Variants in INPP4B observed in about 807,000 individuals in gnomAD.
The protein encoded by INPP4B is inositol polyphosphate-4-phosphatase type II B, also known as inositol polyphosphate 4-phosphatase type II.
INPP4B carries 55 observed loss-of-function variants against 122.5 expected under a neutral mutation model. The observed-to-expected ratio is 0.45, with a 90% confidence interval of 0.36 to 0.56. INPP4B has a LOEUF of 0.56. INPP4B is among the 20% of genes least tolerant of loss of function. INPP4B has a pLI of 0.00. For missense variants in INPP4B, 1,000 were observed against 1,097.7 expected (o/e 0.91, Z 1.26); for synonymous variants, 403 against 388.7 (o/e 1.04, Z -0.43).
At chr4:142,405,348 AAG>A in intron 5 of INPP4B, 24 bp from the exon 6 acceptor site, 1 of 1,404,844 alleles carries the variant, frequency 7.1e-7, no homozygotes, top group East Asian at 2.3e-5. Flanking sequence ...AGGAGACAGA[AAG>A]AAAAGAAACT....
chr4:142,157,025 A>G (rs1404686042), intron 17 of INPP4B, among the ~76,000 whole-genome samples: 5 of 152,126 alleles, frequency 3.3e-5, no homozygotes, highest in African/African-American at 9.7e-5. Context: ...TCTTCACATA[A>G]TATCACAGAA....
At chr4:142,212,232 A>T (rs1336005108) in intron 12 of INPP4B, among the ~76,000 whole-genome samples, 2 of 152,114 alleles carry the variant, frequency 1.3e-5, no homozygotes, top group African/African-American at 4.8e-5. Context: ...GAGTGATGGC[A>T]ATGTGCGATT....
In INPP4B at chr4:142,416,475, A is replaced by AT. The variant is rs560226629; in HGVS notation, c.137-11152dup. 7.4e-3 allele frequency among the ~76,000 whole-genome samples: 1,131 copies of AT among 152,064 alleles called. 11 individuals carry two copies. Among genetic ancestry groups the AT allele is most frequent in the Non-Finnish European group, 0.01 (689 of 67,978 alleles). Reference sequence around the variant, plus strand: ...ATTAAGGTTAAAAATTATTTAAGTAATTTTTTTTCCTGAAAATTTGTTTGG... The same window carrying AT: ...ATTAAGGTTAAAAATTATTTAAGTAATTTTTTTTTCCTGAAAATTTGTTTGG... On this transcript the variant is annotated intron_variant, in intron 5 of 25. Coordinates refer to ENST00000262992, the MANE Select transcript of INPP4B (RefSeq NM_001101669.3).
intron 2 of INPP4B, among the ~76,000 whole-genome samples, chr4:142,537,313 G>C (rs1371265340): frequency 6.7e-6 from 1 of 150,332 alleles, no homozygotes; most frequent in Non-Finnish European, 1.5e-5. Context: ...ACCTTAGATA[G>C]AGGCTGAGTA....
At chr4:142,620,663 T>C (rs1443202808) in intron 2 of INPP4B, among the ~76,000 whole-genome samples, 4 of 151,772 alleles carry the variant, frequency 2.6e-5, no homozygotes, top group Non-Finnish European at 5.9e-5. Context: ...AAATAAGAGT[T>C]AAAAAAATAA....
intron 18 of INPP4B, among the ~76,000 whole-genome samples, chr4:142,129,052 A>T (rs1561223260): frequency 6.6e-6 from 1 of 152,230 alleles, no homozygotes. Context: ...AGGAAAAGTA[A>T]AAAGATTGCA....
chr4:142,807,653 T>G (rs1779023994), intron 1 of INPP4B, among the ~76,000 whole-genome samples: 4 of 152,136 alleles, frequency 2.6e-5, no homozygotes, highest in Non-Finnish European at 2.9e-5. Context: ...TGAGATATGA[T>G]GAGAACGATG....
At chr4:142,527,952 A>ATTTCGCTGGG (rs1827142890) in intron 2 of INPP4B, among the ~76,000 whole-genome samples, 1 of 152,050 alleles carries the variant, frequency 6.6e-6, no homozygotes, top group African/African-American at 2.4e-5. Context: ...CCTTAGAATA[A>ATTTCGCTGGG]ATCAAGGCAA....
intron 8 of INPP4B, 190 bp from the exon 9 acceptor site, chr4:142,305,727 A>G: frequency 7.0e-7 from 1 of 1,419,160 alleles, no homozygotes; most frequent in East Asian, 2.8e-5. Flanking sequence ...AAGGGTGAAA[A>G]TGTATCATTT....
chr4:142,442,290 T>C (rs1811929883), intron 3 of INPP4B, among the ~76,000 whole-genome samples: 1 of 151,302 alleles, frequency 6.6e-6, no homozygotes, highest in African/African-American at 2.4e-5. Flanking sequence ...CATGTGCCTG[T>C]AATCCCAGCT....
At chr4:142,636,077 G>A (rs1172698676) in intron 2 of INPP4B, among the ~76,000 whole-genome samples, 1 of 152,060 alleles carries the variant, frequency 6.6e-6, no homozygotes, top group African/African-American at 2.4e-5. Context: ...TAGTGGTAGT[G>A]AGTGATTTCG....
chr4:142,033,538 G>A (rs1296808332), intron 25 of INPP4B, among the ~76,000 whole-genome samples: 1 of 152,092 alleles, frequency 6.6e-6, no homozygotes, highest in Non-Finnish European at 1.5e-5. Flanking sequence ...AACCTCTAGA[G>A]GTCATTCTGT....
intron 25 of INPP4B, among the ~76,000 whole-genome samples, chr4:142,080,252 G>A (rs575596166): frequency 6.6e-6 from 1 of 152,214 alleles, no homozygotes; most frequent in South Asian, 2.1e-4. Flanking sequence ...CTACTCTGCT[G>A]TGTTGCCAGA....
intron 2 of INPP4B, among the ~76,000 whole-genome samples, chr4:142,655,789 T>G (rs751447739): frequency 1.3e-5 from 2 of 152,198 alleles, no homozygotes; most frequent in African/African-American, 4.8e-5. Context: ...TTATTCCTTT[T>G]AAAGTCCAAC....
intron 8 of INPP4B, among the ~76,000 whole-genome samples, chr4:142,313,718 G>C (rs1766412337): frequency 6.6e-6 from 1 of 152,186 alleles, no homozygotes; most frequent in South Asian, 2.1e-4. Flanking sequence ...AAACTGCAAG[G>C]ACTCCCTCAA....
intron 1 of INPP4B, among the ~76,000 whole-genome samples, chr4:142,820,173 C>T (rs941491460): frequency 1.3e-5 from 2 of 152,120 alleles, no homozygotes; most frequent in African/African-American, 4.8e-5. Flanking sequence ...TTTAGAGATT[C>T]GTCCCCACAA....
intron 3 of INPP4B, among the ~76,000 whole-genome samples, chr4:142,448,660 C>T (rs1813472301): frequency 6.6e-6 from 1 of 152,164 alleles, no homozygotes; most frequent in Admixed American, 6.5e-5. Flanking sequence ...TTTGTCTTTT[C>T]TGTTCCTTTC....
intron 2 of INPP4B, among the ~76,000 whole-genome samples, chr4:142,645,465 A>G (rs539275063): frequency 1.8e-4 from 27 of 152,286 alleles, no homozygotes; most frequent in African/African-American, 6.0e-4. Context: ...TAATAAGTCT[A>G]TATTTCTCAC....
chr4:142,702,008 A>C (rs1278270364), intron 2 of INPP4B, among the ~76,000 whole-genome samples: 1 of 152,178 alleles, frequency 6.6e-6, no homozygotes, highest in African/African-American at 2.4e-5. Flanking sequence ...AGACTACTGG[A>C]AAGAGTTAGG....
Sources: gnomAD v4.1 joint callset for allele counts (sites outside exome capture counted in the v4.1 genomes callset) on GRCh38, gnomAD v4.1.1 for gene constraint, MANE v1.5 for transcripts, NCBI Gene and HGNC (gene_info 2026-07-23, HGNC 2026-07-21) for gene names.